PPIP5K2: variants seen among roughly 807,000 people sequenced by gnomAD.
PPIP5K2 encodes the protein inositol hexakisphosphate and diphosphoinositol-pentakisphosphate kinase 2.
Under a neutral mutation model 154.6 loss-of-function variants are expected in PPIP5K2, and 105 were observed. That is an observed-to-expected ratio of 0.68 (90% CI 0.58 to 0.80). PPIP5K2 has a LOEUF of 0.80. PPIP5K2 is among the 30% of genes least tolerant of loss of function. The probability of loss-of-function intolerance (pLI) is 0.00; values close to 1 mark genes in which losing one functional copy is unlikely to be tolerated. For synonymous variants in PPIP5K2, 480 were observed against 490.3 expected, an observed-to-expected ratio of 0.98 and a Z score of 0.28; for missense variants, 992 against 1,504.6, an observed-to-expected ratio of 0.66 and a Z score of 5.64.
At chr5:103,161,823 C>G (rs891039909) in intron 17 of PPIP5K2, among the ~76,000 whole-genome samples, 13 of 151,708 alleles carry the variant, frequency 8.6e-5, no homozygotes, top group East Asian at 3.9e-4. Context: ...TTGTAAATTT[C>G]TTTGAGTTCT....
chr5:103,122,133 T>G (rs1432528615), intron 1 of PPIP5K2, among the ~76,000 whole-genome samples: 1 of 152,210 alleles, frequency 6.6e-6, no homozygotes, highest in East Asian at 1.9e-4. Flanking sequence ...GGCAAAATGT[T>G]GGCAATTGTG....
chr5:103,185,055 T>C (rs1363293231), intron 26 of PPIP5K2, among the ~76,000 whole-genome samples: 2 of 152,182 alleles, frequency 1.3e-5, no homozygotes, highest in Admixed American at 6.5e-5. Flanking sequence ...ATTTTCCCAG[T>C]TGATAAAGAT....
intron 17 of PPIP5K2, among the ~76,000 whole-genome samples, chr5:103,164,955 C>T (rs1017280058): frequency 6.6e-6 from 1 of 152,084 alleles, no homozygotes; most frequent in Non-Finnish European, 1.5e-5. Flanking sequence ...AGCCAGACTA[C>T]CTGCATTTGA....
intron 21 of PPIP5K2, 74 bp from the exon 22 acceptor site, chr5:103,177,593 A>C: frequency 1.0e-6 from 1 of 972,238 alleles, no homozygotes; most frequent in South Asian, 1.6e-5. Context: ...TAAACAAGCT[A>C]CCATAGTGAC....
chr5:103,143,673 C>T (rs184926461), intron 5 of PPIP5K2, among the ~76,000 whole-genome samples: 1 of 152,146 alleles, frequency 6.6e-6, no homozygotes. Context: ...AGATCCAACT[C>T]TATACTCTCT....
At chr5:103,149,025 T>A (rs1794178185) in intron 7 of PPIP5K2, 127 bp from the exon 8 acceptor site, 1 of 720,626 alleles carries the variant, frequency 1.4e-6, no homozygotes, top group East Asian at 3.1e-5. Flanking sequence ...AATAGAAAGA[T>A]GTGTCTACTA....
chr5:103,140,993 A>G (rs1195097881), intron 5 of PPIP5K2, among the ~76,000 whole-genome samples: 1 of 152,100 alleles, frequency 6.6e-6, no homozygotes, highest in Non-Finnish European at 1.5e-5. Flanking sequence ...TTTACAGGAA[A>G]TGCTAAAAGG....
chr5:103,141,799 TAGAAATAAAGGTTC>T (rs1333049156), intron 5 of PPIP5K2, among the ~76,000 whole-genome samples: 3 of 151,044 alleles, frequency 2.0e-5, no homozygotes, highest in Non-Finnish European at 2.9e-5. Flanking sequence ...ATCCCTGAGC[TAGAAATAAAGGTTC>T]TCCAAGGCCC....
chr5:103,196,535 C>T (rs1554228590), intron 30 of PPIP5K2, among the ~76,000 whole-genome samples: 1 of 151,996 alleles, frequency 6.6e-6, no homozygotes, highest in African/African-American at 2.4e-5. Flanking sequence ...CTCACCATAA[C>T]CTTTAGAGGT....
chr5:103,194,773 C>A (rs1801798040), intron 29 of PPIP5K2, 127 bp from the exon 30 acceptor site: 1 of 1,064,670 alleles, frequency 9.4e-7, no homozygotes, highest in East Asian at 2.6e-5. Flanking sequence ...GCTGAATTTA[C>A]CTTGACCATT....
At chr5:103,133,790 T>C (rs1365736188) in intron 3 of PPIP5K2, 142 bp downstream of exon 3, 15 of 620,180 alleles carry the variant, frequency 2.4e-5, no homozygotes, top group Non-Finnish European at 3.6e-5. Context: ...TTGTGATATA[T>C]TTCTTTCCAG....
At chr5:103,166,187 C>G (rs1005958378) in intron 17 of PPIP5K2, among the ~76,000 whole-genome samples, 4 of 152,008 alleles carry the variant, frequency 2.6e-5, no homozygotes, top group African/African-American at 9.7e-5. Flanking sequence ...TTGGGACGCT[C>G]AAGGCATTTT....
intron 29 of PPIP5K2, chr5:103,191,200 C>T: frequency 2.7e-6 from 1 of 374,760 alleles, no homozygotes; most frequent in South Asian, 1.0e-4. Context: ...CAAAAAAAAA[C>T]AAAAAACAAA....
At position 103,158,190 on chromosome 5, in the gene PPIP5K2, A is replaced by G; in HGVS notation, c.1492A>G (p.Ser498Gly). 2.5e-6 allele frequency: 4 copies of G among 1,612,738 alleles called. No individual in the cohort carries two copies. The highest frequency in any genetic ancestry group is 2.5e-6 in the Non-Finnish European group (3 of 1,178,766). ...TTATTCATTCATATGTGTCATAGACAGCCGAAGAGAAGAACCATCTTTACT... is the reference window on the plus strand; with the variant it reads ...TTATTCATTCATATGTGTCATAGACGGCCGAAGAGAAGAACCATCTTTACT... ...CPKTSSEEED[S>G]RREEPSLLLV... The change falls in exon 15 of 31, where the codon AGC (serine) becomes GGC (glycine). Residue 498 changes from serine (S) to glycine (G), a missense_variant and splice_region_variant. Physicochemically the swap from Ser to Gly is moderately conservative, Grantham distance 56. This residue lies in a region of PPIP5K2 where 163 missense variants were observed against 285.2 expected (regional missense o/e 0.57). Transcript: ENST00000358359.
chr5:103,146,681 G>T lies in PPIP5K2; in HGVS notation c.642G>T (p.Lys214Asn). Residue 214 changes from lysine to asparagine, a missense_variant and splice_region_variant, in exon 6 of 31, where the codon AAG (lysine) becomes AAT (asparagine). Physicochemically the swap from Lys to Asn is moderately conservative, Grantham distance 94. Around this residue, in one of 9 missense-constraint regions of PPIP5K2, gnomAD observed 51 missense variants for 152.2 expected, o/e 0.33. Coordinates refer to ENST00000358359, the MANE Select transcript of PPIP5K2 (RefSeq NM_001276277.3). The stretch of plus-strand genomic sequence containing the variant: ...GTGGAAGTCAAAGACTCTTTAGAAA[G>T]GTAACACCTTTGTAACTTTTGTATG... ...AGGGSQRLFR[K>N]IGSRSSVYSP... is the part of the protein sequence containing the mutation. The T allele has an allele frequency of 6.2e-7, 1 of 1,602,862 alleles. No individual in the cohort carries two copies. Among genetic ancestry groups the T allele is most frequent in the Non-Finnish European group, 8.5e-7 (1 of 1,175,082 alleles).
chr5:103,191,064 A>T, intron 29 of PPIP5K2, 82 bp downstream of exon 29: 1 of 1,361,302 alleles, frequency 7.3e-7, no homozygotes, highest in Non-Finnish European at 1.0e-6. Context: ...TTATAACAAC[A>T]TAAAAGCAGG....
At chr5:103,122,239 A>C in intron 1 of PPIP5K2, among the ~76,000 whole-genome samples, 1 of 152,182 alleles carries the variant, frequency 6.6e-6, no homozygotes, top group East Asian at 1.9e-4. Context: ...GGAGGAAAAA[A>C]CCCAACCCTG....
intron 5 of PPIP5K2, 86 bp from the exon 6 acceptor site, chr5:103,146,441 A>G: frequency 7.4e-7 from 1 of 1,344,410 alleles, no homozygotes; most frequent in South Asian, 1.6e-5. Flanking sequence ...ATGGTCTTTT[A>G]GTGAAAAAGT....
chr5:103,141,695 G>A (rs1340130917), intron 5 of PPIP5K2, among the ~76,000 whole-genome samples: 2 of 152,140 alleles, frequency 1.3e-5, no homozygotes, highest in African/African-American at 2.4e-5. Flanking sequence ...AGTGTCGATT[G>A]GTGCATTCAC....
Sources: gnomAD v4.1 joint callset for allele counts (sites outside exome capture counted in the v4.1 genomes callset) on GRCh38, gnomAD v4.1.1 for gene constraint, gnomAD v4.1.1 regional missense constraint, MANE v1.5 for transcripts, NCBI Gene and HGNC (gene_info 2026-07-23, HGNC 2026-07-21) for gene names.